Variants in RIMS2 observed in about 807,000 individuals in gnomAD.
The protein encoded by RIMS2 is regulating synaptic membrane exocytosis 2.
A neutral mutation model predicts 174.4 loss-of-function variants in RIMS2; 59 were observed. The observed-to-expected ratio is 0.34, with a 90% confidence interval of 0.27 to 0.42. RIMS2 has a LOEUF of 0.42. Ranked by LOEUF, RIMS2 falls within the 10% of genes least tolerant of loss-of-function variation. The pLI is 1.00. For synonymous variants in RIMS2, 606 were observed against 572.5 expected (o/e 1.06, Z -0.84); for missense variants, 1,620 against 1,666.3 (o/e 0.97, Z 0.48).
rs1390856001 is a variant in RIMS2 at position 104,059,937 on chromosome 8, A to G, written c.3334+45322A>G. ...GATGAATCCCACTTGGTCATGGTGG[A>G]TAAGCTTTTTGATGTGCTGCTGGAT... On this transcript the variant is annotated intron_variant, in intron 19 of 23. Transcript: ENST00000504942. Among the ~76,000 whole-genome samples, 8 of 152,184 alleles carry G rather than the reference A, an allele frequency of 5.3e-5. No individual in the cohort carries two copies. The East Asian group carries it at 1.3e-3, about 26-fold the overall frequency.
intron 3 of RIMS2, among the ~76,000 whole-genome samples, chr8:103,868,389 C>T (rs952803237): frequency 1.2e-4 from 18 of 151,926 alleles, no homozygotes; most frequent in African/African-American, 4.3e-4. Context: ...AAATAAAATA[C>T]AATATAGACT....
intron 3 of RIMS2, among the ~76,000 whole-genome samples, chr8:103,841,780 C>T (rs1025982154): frequency 2.6e-5 from 4 of 152,060 alleles, no homozygotes; most frequent in Non-Finnish European, 5.9e-5. Context: ...CATGACGAAA[C>T]TCTGTCTCTA....
chr8:103,794,269 A>C (rs1448767062), intron 3 of RIMS2, among the ~76,000 whole-genome samples: 1 of 152,216 alleles, frequency 6.6e-6, no homozygotes, highest in Non-Finnish European at 1.5e-5. Context: ...AGCCCTCAGA[A>C]AGAATACCAC....
chr8:103,608,222 G>T (rs1318956328), intron 1 of RIMS2, among the ~76,000 whole-genome samples: 1 of 143,198 alleles, frequency 7.0e-6, no homozygotes, highest in Non-Finnish European at 1.5e-5. Flanking sequence ...CTAACAGACA[G>T]GACCCTCAGC....
chr8:103,667,241 T>TA (rs1235111609), intron 1 of RIMS2, among the ~76,000 whole-genome samples: 1 of 152,216 alleles, frequency 6.6e-6, no homozygotes, highest in Admixed American at 6.5e-5. Flanking sequence ...ACTTCACAGA[T>TA]ACTTCTCTGT....
intron 1 of RIMS2, among the ~76,000 whole-genome samples, chr8:103,589,037 C>T (rs2094119916): frequency 6.6e-6 from 1 of 151,536 alleles, no homozygotes; most frequent in Admixed American, 6.6e-5. Flanking sequence ...CAACATAGTA[C>T]TGGAGGTCCT....
chr8:104,242,582 T>G (rs1171822082), intron 19 of RIMS2, among the ~76,000 whole-genome samples: 1 of 152,254 alleles, frequency 6.6e-6, no homozygotes, highest in Non-Finnish European at 1.5e-5. Flanking sequence ...TTTCATGATA[T>G]TAACTTCTTT....
intron 2 of RIMS2, among the ~76,000 whole-genome samples, chr8:103,737,547 G>A (rs1373230643): frequency 1.3e-5 from 2 of 151,636 alleles, no homozygotes; most frequent in Non-Finnish European, 2.9e-5. Flanking sequence ...ACGTCTACTA[G>A]GATGGTATTT....
chr8:103,929,192 A>G (rs2079386023), intron 11 of RIMS2, among the ~76,000 whole-genome samples: 1 of 151,782 alleles, frequency 6.6e-6, no homozygotes, highest in South Asian at 2.1e-4. Context: ...TATTATACCA[A>G]AAATATGAAA....
chr8:103,810,361 A>G (rs1360323416), intron 3 of RIMS2, among the ~76,000 whole-genome samples: 5 of 152,140 alleles, frequency 3.3e-5, no homozygotes, highest in Non-Finnish European at 7.3e-5. Context: ...TCAGCCAAGT[A>G]CCTTCCAACT....
At chr8:104,188,145 G>T (rs1313467196) in intron 19 of RIMS2, among the ~76,000 whole-genome samples, 1 of 151,568 alleles carries the variant, frequency 6.6e-6, no homozygotes, top group Non-Finnish European at 1.5e-5. Context: ...AAGGTATAGA[G>T]AGTTCAGCTT....
At chr8:104,024,410 T>C (rs2096199026) in intron 19 of RIMS2, among the ~76,000 whole-genome samples, 1 of 152,222 alleles carries the variant, frequency 6.6e-6, no homozygotes, top group African/African-American at 2.4e-5. Flanking sequence ...TAACTACCTT[T>C]CTTCAATCCA....
chr8:103,985,895 T>C (rs1219013298), intron 16 of RIMS2, among the ~76,000 whole-genome samples: 1 of 152,152 alleles, frequency 6.6e-6, no homozygotes, highest in African/African-American at 2.4e-5. Context: ...TGATCTAACT[T>C]ATATATAGAA....
intron 2 of RIMS2, among the ~76,000 whole-genome samples, chr8:103,731,944 GT>G: frequency 6.6e-6 from 1 of 152,238 alleles, no homozygotes; most frequent in Admixed American, 6.5e-5. Flanking sequence ...TTGTGCATTA[GT>G]TTGTTTGGTG....
chr8:103,746,888 G>C lies in RIMS2; in HGVS notation c.388-19339G>C, dbSNP rs528446910. Among the ~76,000 whole-genome samples the C allele has an allele frequency of 2.0e-4, 30 of 151,924 alleles. 1 individual carries two copies. The highest frequency in any genetic ancestry group is 7.0e-4 in the African/African-American group (29 of 41,406). On this transcript the variant is annotated intron_variant, in intron 2 of 23. Transcript: ENST00000504942. ...GTAGAGACAGGGTTTCATCATATTA[G>C]CCAGGTTGGTCTCGATGTCCTGACC... is the stretch of plus-strand genomic sequence containing the variant.
intron 19 of RIMS2, among the ~76,000 whole-genome samples, chr8:104,177,195 T>A (rs1468428719): frequency 6.6e-6 from 1 of 152,160 alleles, no homozygotes; most frequent in African/African-American, 2.4e-5. Flanking sequence ...ATTTTGTGGA[T>A]GTGAAACTGA....
intron 1 of RIMS2, among the ~76,000 whole-genome samples, chr8:103,611,353 C>T (rs1022018001): frequency 6.6e-6 from 1 of 152,124 alleles, no homozygotes; most frequent in Non-Finnish European, 1.5e-5. Flanking sequence ...TGAGATACAG[C>T]AGTTGCAGTG....
At chr8:104,249,658 T>A in intron 22 of RIMS2, 70 bp downstream of exon 28, 1 of 878,010 alleles carries the variant, frequency 1.1e-6, no homozygotes, top group East Asian at 2.5e-5. Flanking sequence ...ACCTTTTGAT[T>A]GGTTTAGACC....
intron 19 of RIMS2, among the ~76,000 whole-genome samples, chr8:104,048,144 A>G (rs1360644790): frequency 1.3e-5 from 2 of 152,176 alleles, no homozygotes; most frequent in African/African-American, 4.8e-5. Context: ...CAAAATCATC[A>G]TAAATAAAAG....
Sources: allele counts gnomAD v4.1 joint callset (sites outside exome capture counted in the v4.1 genomes callset), GRCh38; gene constraint gnomAD v4.1.1; transcripts MANE v1.5; gene names NCBI Gene and HGNC (gene_info 2026-07-23, HGNC 2026-07-21).